The following GABRR1 variants were observed in gnomAD, a reference collection of about 807,000 sequenced individuals.
The protein encoded by GABRR1 is gamma-aminobutyric acid receptor subunit rho-1.
GABRR1 carries 59 observed loss-of-function variants against 55.5 expected under a neutral mutation model. The ratio of observed to expected loss-of-function variants is 1.06; its 90% CI spans 0.86 to 1.32. GABRR1 has a LOEUF of 1.32. Among genes scored for constraint, GABRR1 ranks in the 40% most tolerant of loss-of-function variants. GABRR1 has a pLI of 0.00. For synonymous variants in GABRR1, 213 were observed against 226.0 expected, an observed-to-expected ratio of 0.94 and a Z score of 0.51; for missense variants, 602 against 619.1, an observed-to-expected ratio of 0.97 and a Z score of 0.29.
chr6:89,201,195 C>T lies in GABRR1; in HGVS notation c.244G>A (p.Asp82Asn). ...LTKSEQLLRI[D>N]DHDFSMRPGF... is the part of the protein sequence containing the mutation. ...GGCCTCATGCTGAAATCATGGTCATCTATCCTCAGAAGCTGTTCTGACTTT... is the reference window on the plus strand; with the variant it reads ...GGCCTCATGCTGAAATCATGGTCATTTATCCTCAGAAGCTGTTCTGACTTT... The change falls in exon 3 of 10, where the codon GAT becomes AAT. Residue 82 changes from aspartate (D) to asparagine (N), a missense_variant. Physicochemically the swap from Asp to Asn is conservative, Grantham distance 23. Around this residue, in one of 3 missense-constraint regions of GABRR1, gnomAD observed 435 missense variants for 424.2 expected, o/e 1.03. Coordinates refer to ENST00000454853, the MANE Select transcript of GABRR1 (RefSeq NM_002042.5). 1 of 1,614,174 alleles carries T rather than the reference C, an allele frequency of 6.2e-7. No individual in the cohort carries two copies. Among genetic ancestry groups the T allele is most frequent in the Non-Finnish European group, 8.5e-7 (1 of 1,180,006 alleles).
intron 1 of GABRR1, among the ~76,000 whole-genome samples, chr6:89,230,599 T>C (rs1773268751): frequency 6.6e-6 from 1 of 152,210 alleles, no homozygotes; most frequent in South Asian, 2.1e-4. Flanking sequence ...AGGGACCCGC[T>C]TGAGGAGGCA....
chr6:89,215,854 A>G (rs958180866), intron 1 of GABRR1, among the ~76,000 whole-genome samples: 1 of 152,206 alleles, frequency 6.6e-6, no homozygotes, highest in Non-Finnish European at 1.5e-5. Flanking sequence ...AAGAAAGTCT[A>G]TTTCACTCTC....
At chr6:89,224,164 A>G (rs572320459) in intron 1 of GABRR1, among the ~76,000 whole-genome samples, 12 of 151,598 alleles carry the variant, frequency 7.9e-5, no homozygotes, top group African/African-American at 2.7e-4. Context: ...ATCTTGGCTC[A>G]CTCAACCTCC....
At chr6:89,229,497 T>G (rs201560014) in intron 1 of GABRR1, among the ~76,000 whole-genome samples, 3 of 149,748 alleles carry the variant, frequency 2.0e-5, no homozygotes, top group Non-Finnish European at 4.5e-5. Flanking sequence ...GTCTGTAAAG[T>G]ATTTTATTTC....
At chr6:89,183,680 T>TA (rs35402800) in intron 7 of GABRR1, among the ~76,000 whole-genome samples, 74,339 of 149,070 alleles carry the variant, frequency 0.5, 18,877 homozygotes, top group African/African-American at 0.59. Context: ...ACTCTTCCAT[T>TA]AAAAAAAAAA....
chr6:89,197,860 T>C (rs945963472), intron 5 of GABRR1, among the ~76,000 whole-genome samples, 160 bp downstream of exon 5: 1 of 152,238 alleles, frequency 6.6e-6, no homozygotes, highest in Non-Finnish European at 1.5e-5. Context: ...AATAATTCTT[T>C]AAAATTTCTA....
chr6:89,184,889 T>C lies in GABRR1; in HGVS notation c.796+421A>G, dbSNP rs76387102. On this transcript the variant is annotated intron_variant, in intron 7 of 9. Coordinates refer to ENST00000454853, the MANE Select transcript of GABRR1 (RefSeq NM_002042.5). ...TGCCTTTAGTTTCTTTTCTTTCTTT[T>C]TTTTTTTTTTTTTTGAGGCAGGGTC... is the stretch of plus-strand genomic sequence containing the variant. 7.7e-3 allele frequency among the ~76,000 whole-genome samples: 605 copies of C among 78,546 alleles called. 2 individuals carry two copies. Among genetic ancestry groups the C allele is most frequent in the East Asian group, 0.027 (111 of 4,042 alleles). 51.5% of individuals were successfully genotyped at this position (78,546 alleles called of 152,430 possible). A position where few individuals can be genotyped will look rare whatever the true frequency, so the allele number is the denominator to read the frequency against.
upstream of GABRR1, among the ~76,000 whole-genome samples, chr6:89,218,011 C>G (rs1398454389): frequency 1.3e-5 from 2 of 152,188 alleles, no homozygotes; most frequent in Non-Finnish European, 2.9e-5. Flanking sequence ...TTGAAAAATA[C>G]CAGTAATAAA....
intron 7 of GABRR1, among the ~76,000 whole-genome samples, chr6:89,185,013 T>C (rs1176273213): frequency 2.6e-5 from 4 of 151,622 alleles, no homozygotes; most frequent in South Asian, 2.1e-4. Context: ...GCCTTCCAGA[T>C]AGCTGGGACT....
At position 89,178,397 on chromosome 6, in the gene GABRR1, G is replaced by C. The variant is rs1771606087; in HGVS notation, c.*373C>G. The C allele has an allele frequency of 4.1e-6, 1 of 244,026 alleles. No homozygotes were observed. The highest frequency in any genetic ancestry group is 2.3e-5 in the African/African-American group (1 of 44,344). 15.1% of individuals were successfully genotyped at this position (244,026 alleles called of 1,614,324 possible). A position where few individuals can be genotyped will look rare whatever the true frequency, so the allele number is the denominator to read the frequency against. On this transcript the variant is annotated 3_prime_UTR_variant, in exon 10 of 10. Transcript: ENST00000454853. Reference sequence around the variant, plus strand: ...TCCAAGTTCACGTAGCCTGAACAATGTAATGACACTTGAGGAAAATAAATT... The same window carrying C: ...TCCAAGTTCACGTAGCCTGAACAATCTAATGACACTTGAGGAAAATAAATT...
chr6:89,189,282 C>T (rs1269815241), intron 6 of GABRR1, among the ~76,000 whole-genome samples: 1 of 150,548 alleles, frequency 6.6e-6, no homozygotes, highest in African/African-American at 2.5e-5. Flanking sequence ...CAATGATAGA[C>T]TGGATTAAGA....
chr6:89,225,277 ATTATAC>A (rs1316448879), intron 1 of GABRR1, among the ~76,000 whole-genome samples: 2 of 138,414 alleles, frequency 1.4e-5, no homozygotes, highest in African/African-American at 5.3e-5. Context: ...TTTTTTTTTA[ATTATAC>A]TTTAAGTTTT....
At position 89,190,215 on chromosome 6, in the gene GABRR1, A is replaced by C; in HGVS notation, c.605T>G (p.Phe202Cys). 1 of 1,611,892 alleles carries C rather than the reference A, an allele frequency of 6.2e-7. No individual in the cohort carries two copies. The highest frequency in any genetic ancestry group is 2.2e-5 in the East Asian group (1 of 44,754). Residue 202 changes from phenylalanine (F) to cysteine (C), a missense_variant, in exon 6 of 10, where the codon TTC (phenylalanine) becomes TGC (cysteine). Around this residue, in one of 3 missense-constraint regions of GABRR1, gnomAD observed 435 missense variants for 424.2 expected, o/e 1.03. Coordinates refer to ENST00000454853, the MANE Select transcript of GABRR1 (RefSeq NM_002042.5). ...VTVTAMCNMD[F>C]SRFPLDTQTC... ...TTGTGTGTCCAAGGGAAATCGGCTG[A>C]AGTCCATGTTGCACATTGCAGTTAC...
chr6:89,218,433 T>C (rs1773058732), upstream of GABRR1, among the ~76,000 whole-genome samples: 1 of 152,256 alleles, frequency 6.6e-6, no homozygotes, highest in Non-Finnish European at 1.5e-5. Context: ...CTTTCTCTTC[T>C]TGTGCTATCT....
chr6:89,202,278 CG>C (rs1279925085), intron 2 of GABRR1, among the ~76,000 whole-genome samples: 2 of 151,468 alleles, frequency 1.3e-5, no homozygotes, highest in African/African-American at 4.8e-5. Context: ...ACAGGTGTTT[CG>C]TTTTTTTGTT....
upstream of GABRR1, among the ~76,000 whole-genome samples, chr6:89,220,922 G>A (rs967189350): frequency 6.6e-6 from 1 of 152,114 alleles, no homozygotes; most frequent in African/African-American, 2.4e-5. Flanking sequence ...GTTTCTCCAT[G>A]TTGGTCAAGC....
At chr6:89,198,782 TC>T (rs1419857802) in intron 4 of GABRR1, among the ~76,000 whole-genome samples, 7 of 152,094 alleles carry the variant, frequency 4.6e-5, no homozygotes, top group African/African-American at 1.7e-4. Flanking sequence ...CTTCTCTTCC[TC>T]TCTCCCTTCC....
upstream of GABRR1, among the ~76,000 whole-genome samples, chr6:89,219,466 T>C (rs779573170): frequency 6.6e-6 from 1 of 152,156 alleles, no homozygotes; most frequent in Non-Finnish European, 1.5e-5. Flanking sequence ...TTTTCTGTGA[T>C]CAAGAATAAT....
chr6:89,203,412 T>A, intron 2 of GABRR1, 23 bp downstream of exon 2: 1 of 1,605,648 alleles, frequency 6.2e-7, no homozygotes, highest in South Asian at 1.1e-5. Context: ...TGCAGAACAG[T>A]GTGCACGTGC....
Sources: allele counts gnomAD v4.1 joint callset (sites outside exome capture counted in the v4.1 genomes callset), GRCh38; gene constraint gnomAD v4.1.1; regional missense constraint gnomAD v4.1.1; transcripts MANE v1.5; gene names NCBI Gene and HGNC (gene_info 2026-07-23, HGNC 2026-07-21).